Variants in SLC25A46 observed in about 807,000 individuals in gnomAD.
The protein encoded by SLC25A46 is solute carrier family 25 member 46.
Under a neutral mutation model 44.6 loss-of-function variants are expected in SLC25A46, and 39 were observed. The ratio of observed to expected loss-of-function variants is 0.87; its 90% CI spans 0.68 to 1.14. The LOEUF is 1.14. SLC25A46 is among the 50% of genes most tolerant of loss of function. The pLI is 0.00. For synonymous variants in SLC25A46, 202 were observed against 185.8 expected, an observed-to-expected ratio of 1.09 and a Z score of -0.71; for missense variants, 547 against 522.7, an observed-to-expected ratio of 1.05 and a Z score of -0.45.
Position 110,761,582 on chromosome 5 carries a change from A to G in SLC25A46, c.1057A>G (p.Thr353Ala). ...AGGAACACGCACAATAATTGACAAT[A>G]CAGACCTTGGCTATGAAGTGCTTCC... ...IQGTRTIIDN[T>A]DLGYEVLPIN... The change falls in exon 8 of 8, where the codon ACA (threonine) becomes GCA (alanine). Residue 353 changes from threonine to alanine, a missense_variant. By Grantham distance (58) the Thr-to-Ala change is moderately conservative. Transcript: ENST00000355943. This position sits in a 1 kb window ranked among gnomAD's most constrained non-coding sequence, Gnocchi z 5.3. 2 of 1,613,796 alleles carry G rather than the reference A, an allele frequency of 1.2e-6. No homozygotes were observed. The highest frequency in any genetic ancestry group is 1.7e-6 in the Non-Finnish European group (2 of 1,179,770).
At chr5:110,753,103 T>A (rs1800009548) in intron 5 of SLC25A46, among the ~76,000 whole-genome samples, 1 of 152,108 alleles carries the variant, frequency 6.6e-6, no homozygotes, top group South Asian at 2.1e-4. Flanking sequence ...GACTTAAAAA[T>A]GTCCATCAGA....
At chr5:110,759,411 T>C (rs543240834) in intron 7 of SLC25A46, among the ~76,000 whole-genome samples, 1 of 152,302 alleles carries the variant, frequency 6.6e-6, no homozygotes, top group South Asian at 2.1e-4. Context: ...ATGTGTGTTG[T>C]ATCATACATG....
intron 5 of SLC25A46, among the ~76,000 whole-genome samples, chr5:110,750,660 AC>A (rs910980618): frequency 6.6e-6 from 1 of 152,192 alleles, no homozygotes; most frequent in African/African-American, 2.4e-5. Flanking sequence ...GGGAATAATG[AC>A]AAGAAAGAAA....
At chr5:110,747,192 A>G (rs1799844159) in intron 4 of SLC25A46, among the ~76,000 whole-genome samples, 1 of 152,202 alleles carries the variant, frequency 6.6e-6, no homozygotes, top group African/African-American at 2.4e-5. Flanking sequence ...ATTGCATATA[A>G]TAGACTGGAA....
chr5:110,740,677 C>T (rs898226658), intron 1 of SLC25A46, among the ~76,000 whole-genome samples: 2 of 152,138 alleles, frequency 1.3e-5, no homozygotes, highest in East Asian at 3.9e-4. Context: ...TAAGGCCGGG[C>T]GTGGTGGCTC....
intron 1 of SLC25A46, chr5:110,741,816 C>T (rs913559585): frequency 1.7e-4 from 63 of 364,304 alleles, no homozygotes; most frequent in Non-Finnish European, 3.0e-4. Flanking sequence ...GGAGTGAAAG[C>T]GTAATTGTGC....
rs757335497 is a variant in SLC25A46, at chr5:110,761,076, C to G, written c.679-128C>G. The G allele has an allele frequency of 1.7e-5, 12 of 714,984 alleles. No homozygotes were observed. The highest frequency in any genetic ancestry group is 2.5e-5 in the Non-Finnish European group (11 of 434,182). The allele number at this position is 714,984 out of a possible 1,614,324, so 44.3% of individuals were successfully genotyped here. ...CTGATGCCTAGATAACAGTTAAAGT[C>G]TGCAAATCATGGATGTTTCCCTCTT... On this transcript the variant is annotated intron_variant, in intron 7 of 7. Transcript: ENST00000355943. The surrounding 1 kb of genome is among the most constrained non-coding windows in gnomAD (Gnocchi z 5.3).
rs373730487 is a variant in SLC25A46, at chr5:110,739,037, C to G, written c.-83C>G. On this transcript the variant is annotated 5_prime_UTR_variant, in exon 1 of 8. Coordinates refer to ENST00000355943, the MANE Select transcript of SLC25A46 (RefSeq NM_138773.4). The stretch of plus-strand genomic sequence containing the variant: ...TTACCCCTGACGCGGCGGCGGCCGA[C>G]GGGAAGCTGTGTGTGCTTAGGTCGT... 4.1e-5 allele frequency: 60 copies of G among 1,479,002 alleles called. No individual in the cohort carries two copies. The highest frequency in any genetic ancestry group is 2.4e-4 in the Middle Eastern group (1 of 4,114). The allele number at this position is 1,479,002 out of a possible 1,614,324, so 91.6% of individuals were successfully genotyped here. A position where few individuals can be genotyped will look rare whatever the true frequency, so the allele number is the denominator to read the frequency against.
chr5:110,746,740 G>C (rs139707559), intron 4 of SLC25A46, among the ~76,000 whole-genome samples: 1 of 152,302 alleles, frequency 6.6e-6, no homozygotes, highest in East Asian at 1.9e-4. Flanking sequence ...AAAACTTTGG[G>C]AAAAGAAAGG....
At chr5:110,742,525 T>G (rs1799716854) in intron 2 of SLC25A46, among the ~76,000 whole-genome samples, 1 of 152,112 alleles carries the variant, frequency 6.6e-6, no homozygotes, top group African/African-American at 2.4e-5. Context: ...AACTGACGTG[T>G]CATTTCCCAC....
chr5:110,745,123 G>A (rs1799783302), intron 3 of SLC25A46, among the ~76,000 whole-genome samples: 1 of 152,108 alleles, frequency 6.6e-6, no homozygotes. Context: ...AAAATGTCAA[G>A]ACAGTGAAAA....
In SLC25A46 at chr5:110,739,065, T is replaced by C. The variant is rs1189948466; in HGVS notation, c.-55T>C. The C allele has an allele frequency of 6.5e-7, 1 of 1,526,768 alleles. No homozygotes were observed. The highest frequency in any genetic ancestry group is 1.4e-5 in the African/African-American group (1 of 71,958). 94.6% of individuals were successfully genotyped at this position (1,526,768 alleles called of 1,614,324 possible). On this transcript the variant is annotated 5_prime_UTR_variant, in exon 1 of 8. Coordinates refer to ENST00000355943, the MANE Select transcript of SLC25A46 (RefSeq NM_138773.4). ...GAAGCTGTGTGTGCTTAGGTCGTGG[T>C]GGCCCCGGTGGTGGTGGGCTCCGGG... is the stretch of plus-strand genomic sequence containing the variant.
chr5:110,749,518 G>T (rs141103036), intron 5 of SLC25A46, among the ~76,000 whole-genome samples: 1 of 150,756 alleles, frequency 6.6e-6, no homozygotes. Context: ...GGTGGGAAGG[G>T]GGGTAGTTGG....
chr5:110,739,074 T>C lies in SLC25A46; in HGVS notation c.-46T>C, dbSNP rs748696438. The stretch of plus-strand genomic sequence containing the variant: ...TGTGCTTAGGTCGTGGTGGCCCCGG[T>C]GGTGGTGGGCTCCGGGCGGGCTCGC... On this transcript the variant is annotated 5_prime_UTR_variant, in exon 1 of 8. Transcript: ENST00000355943. 25 of 1,531,474 alleles carry C rather than the reference T, an allele frequency of 1.6e-5. 2 individuals carry two copies. The South Asian group carries it at 3.0e-4, about 18-fold the overall frequency. 94.9% of individuals were successfully genotyped at this position (1,531,474 alleles called of 1,614,324 possible).
At position 110,764,916 on chromosome 5, in the gene SLC25A46, CTT is replaced by C. The variant is rs1430295338; in HGVS notation, c.*3138_*3139del. ...TCTTTCAAGTAGTTGTAAATAATCT[CTT>C]TTTCTCATATAAACGGAATGCATAA... On this transcript the variant is annotated 3_prime_UTR_variant, in exon 8 of 8. Transcript: ENST00000355943. The C allele has an allele frequency of 6.6e-6, 1 of 151,928 alleles. No homozygotes were observed. Among genetic ancestry groups the C allele is most frequent in the Non-Finnish European group, 1.5e-5 (1 of 67,916 alleles). 9.4% of individuals were successfully genotyped at this position (151,928 alleles called of 1,614,324 possible). A position where few individuals can be genotyped will look rare whatever the true frequency, so the allele number is the denominator to read the frequency against.
chr5:110,755,423 A>T, intron 5 of SLC25A46, 42 bp from the exon 6 acceptor site: 1 of 1,299,026 alleles, frequency 7.7e-7, no homozygotes, highest in South Asian at 1.3e-5. Flanking sequence ...TGTTTTAAAT[A>T]ACATGGCTTT....
At chr5:110,744,859 A>C (rs935474846) in intron 3 of SLC25A46, among the ~76,000 whole-genome samples, 3 of 152,228 alleles carry the variant, frequency 2.0e-5, no homozygotes, top group Non-Finnish European at 4.4e-5. Context: ...TCATGACAGC[A>C]ATCTTACTTC....
intron 6 of SLC25A46, 152 bp from the exon 7 acceptor site, chr5:110,756,550 A>G (rs901318195): frequency 1.0e-5 from 5 of 485,872 alleles, no homozygotes; most frequent in African/African-American, 4.1e-5. Flanking sequence ...TGAAGTTAAT[A>G]TTTTTAGGCT....
At chr5:110,751,180 G>A (rs888914431) in intron 5 of SLC25A46, among the ~76,000 whole-genome samples, 1 of 152,072 alleles carries the variant, frequency 6.6e-6, no homozygotes, top group African/African-American at 2.4e-5. Flanking sequence ...GCTAAAAACC[G>A]GGTTTACAGT....
Sources: allele counts gnomAD v4.1 joint callset (sites outside exome capture counted in the v4.1 genomes callset), GRCh38; gene constraint gnomAD v4.1.1; non-coding constraint Gnocchi (gnomAD v3.1); transcripts MANE v1.5; gene names NCBI Gene and HGNC (gene_info 2026-07-23, HGNC 2026-07-21).